Variants in SLC35F3 observed in about 807,000 individuals in gnomAD.
SLC35F3 encodes the protein solute carrier family 35 member F3.
Under a neutral mutation model 49.9 loss-of-function variants are expected in SLC35F3, and 25 were observed. That is an observed-to-expected ratio of 0.50 (90% CI 0.37 to 0.70). SLC35F3 has a LOEUF of 0.70. Among genes scored for constraint, SLC35F3 ranks in the 30% least tolerant of loss-of-function variants. The pLI, the probability that SLC35F3 is intolerant of heterozygous loss-of-function variation, is 0.00. For synonymous variants in SLC35F3, 275 were observed against 265.4 expected, an observed-to-expected ratio of 1.04 and a Z score of -0.35; for missense variants, 525 against 639.8, an observed-to-expected ratio of 0.82 and a Z score of 1.94.
intron 3 of SLC35F3, among the ~76,000 whole-genome samples, chr1:234,299,493 C>T (rs907642927): frequency 2.6e-5 from 4 of 152,114 alleles, no homozygotes; most frequent in African/African-American, 9.7e-5. Context: ...TTTCTTTACA[C>T]AGCCTGTCAT....
intron 2 of SLC35F3, among the ~76,000 whole-genome samples, chr1:233,970,393 A>G (rs1167336665): frequency 6.6e-6 from 1 of 152,206 alleles, no homozygotes; most frequent in Non-Finnish European, 1.5e-5. Flanking sequence ...GATGCAGATA[A>G]TATTACATGA....
intron 2 of SLC35F3, among the ~76,000 whole-genome samples, chr1:233,981,258 C>T (rs958437000): frequency 3.3e-5 from 5 of 152,290 alleles, no homozygotes; most frequent in East Asian, 1.9e-4. Context: ...AGACACAGAA[C>T]GGATCCTTCA....
chr1:234,254,972 G>A (rs1044238925), intron 3 of SLC35F3, among the ~76,000 whole-genome samples: 1 of 152,124 alleles, frequency 6.6e-6, no homozygotes, highest in Non-Finnish European at 1.5e-5. Flanking sequence ...TATGACCAAG[G>A]TCTTTGTTAT....
intron 2 of SLC35F3, among the ~76,000 whole-genome samples, chr1:234,055,311 C>T (rs893475138): frequency 2.6e-5 from 4 of 152,104 alleles, no homozygotes; most frequent in Non-Finnish European, 4.4e-5. Flanking sequence ...CCACTCAGTT[C>T]GAGCTTCCCG....
At chr1:233,934,398 C>T (rs1571985987) in intron 2 of SLC35F3, among the ~76,000 whole-genome samples, 1 of 152,118 alleles carries the variant, frequency 6.6e-6, no homozygotes, top group Non-Finnish European at 1.5e-5. Context: ...TAAAATCAAC[C>T]TTCACGAATA....
At chr1:234,028,018 A>C (rs1020039345) in intron 2 of SLC35F3, among the ~76,000 whole-genome samples, 2 of 152,204 alleles carry the variant, frequency 1.3e-5, no homozygotes, top group African/African-American at 4.8e-5. Context: ...TAAGTTAATA[A>C]ATTCGGGTAA....
At chr1:233,969,258 A>C (rs1662953061) in intron 2 of SLC35F3, among the ~76,000 whole-genome samples, 1 of 152,160 alleles carries the variant, frequency 6.6e-6, no homozygotes. Flanking sequence ...AGAGGATCTA[A>C]AGGGGCTATA....
At chr1:234,137,409 A>G (rs543959773) in intron 2 of SLC35F3, among the ~76,000 whole-genome samples, 2 of 152,350 alleles carry the variant, frequency 1.3e-5, no homozygotes, top group Admixed American at 6.5e-5. Flanking sequence ...AAGAGCAATC[A>G]TTGACTTAGC....
chr1:234,109,724 G>A (rs940845132), intron 2 of SLC35F3, among the ~76,000 whole-genome samples: 3 of 152,192 alleles, frequency 2.0e-5, no homozygotes, highest in Admixed American at 6.5e-5. Flanking sequence ...ATGGTAGGGA[G>A]AGGGGGAGGA....
intron 2 of SLC35F3, among the ~76,000 whole-genome samples, chr1:234,206,547 C>T (rs1666973646): frequency 6.6e-6 from 1 of 151,908 alleles, no homozygotes; most frequent in Non-Finnish European, 1.5e-5. Context: ...CAAAGACGTG[C>T]CCACCTTGAC....
chr1:234,273,425 A>G (rs1210705115), intron 3 of SLC35F3, among the ~76,000 whole-genome samples: 1 of 152,186 alleles, frequency 6.6e-6, no homozygotes, highest in Non-Finnish European at 1.5e-5. Context: ...CTACAATTCC[A>G]GCAGTCTGTC....
At chr1:234,177,400 C>T (rs1034573743) in intron 2 of SLC35F3, among the ~76,000 whole-genome samples, 16 of 152,206 alleles carry the variant, frequency 1.1e-4, no homozygotes, top group Admixed American at 3.9e-4. Context: ...AGGGAAGCAC[C>T]TCCAAGCCAC....
chr1:234,168,134 T>A (rs1666345731), intron 2 of SLC35F3, among the ~76,000 whole-genome samples: 1 of 152,220 alleles, frequency 6.6e-6, no homozygotes, highest in Admixed American at 6.5e-5. Flanking sequence ...CAAGAACCTC[T>A]AAAGTGGCAA....
In SLC35F3 at chr1:234,129,118, C is replaced by A. The variant is rs1171051547; in HGVS notation, c.284-102299C>A. 2.6e-5 allele frequency among the ~76,000 whole-genome samples: 4 copies of A among 151,744 alleles called. No individual in the cohort carries two copies. The East Asian group carries it at 7.7e-4, about 29-fold the overall frequency. ...ACCATTAATAGAGAAAGAAGGCAAG[C>A]TAGAAGAAGGCAAGTAGAAGAAGAT... On this transcript the variant is annotated intron_variant, in intron 2 of 7. Transcript: ENST00000366618.
intron 2 of SLC35F3, among the ~76,000 whole-genome samples, chr1:233,970,331 G>A (rs939355767): frequency 1.3e-5 from 2 of 152,180 alleles, no homozygotes; most frequent in Non-Finnish European, 2.9e-5. Flanking sequence ...TCCAAACAAC[G>A]GCAAGACCCA....
intron 3 of SLC35F3, among the ~76,000 whole-genome samples, chr1:234,302,483 G>A (rs529943125): frequency 2.3e-4 from 35 of 152,270 alleles, no homozygotes; most frequent in African/African-American, 7.0e-4. Context: ...GAACTTGAGC[G>A]TAGATGGCTA....
In SLC35F3 at chr1:234,302,691, A is replaced by G. The variant is rs536501627; in HGVS notation, c.609-6410A>G. ...CTGCAGGTTTGGCTCCGCTACTAAC[A>G]TCTGTTTGAACTTGAGTGGGTCTTT... On this transcript the variant is annotated intron_variant, in intron 3 of 7. Transcript: ENST00000366618. 3.6e-4 allele frequency among the ~76,000 whole-genome samples: 55 copies of G among 152,242 alleles called. No homozygotes were observed. In the East Asian group the frequency reaches 4.2e-3, roughly 12 times the overall value.
At chr1:234,040,472 G>A (rs1050079827) in intron 2 of SLC35F3, among the ~76,000 whole-genome samples, 3 of 152,176 alleles carry the variant, frequency 2.0e-5, no homozygotes, top group Admixed American at 1.3e-4. Context: ...CCAGGGACCC[G>A]CCCCTGTCTG....
At chr1:233,993,761 G>GC (rs1227831078) in intron 2 of SLC35F3, among the ~76,000 whole-genome samples, 3 of 152,134 alleles carry the variant, frequency 2.0e-5, no homozygotes, top group Admixed American at 1.3e-4. Context: ...ACCTGAGTCA[G>GC]CATAGAGTTC....
Sources: gnomAD v4.1 joint callset for allele counts (sites outside exome capture counted in the v4.1 genomes callset) on GRCh38, gnomAD v4.1.1 for gene constraint, MANE v1.5 for transcripts, NCBI Gene and HGNC (gene_info 2026-07-23, HGNC 2026-07-21) for gene names.